RAB11FIP4: variants seen among roughly 807,000 people sequenced by gnomAD.
RAB11FIP4 encodes rab11 family-interacting protein 4.
A neutral mutation model predicts 74.3 loss-of-function variants in RAB11FIP4; 23 were observed. The observed-to-expected ratio is 0.31, with a 90% CI of 0.22 to 0.44. The LOEUF (loss-of-function observed/expected upper bound fraction) is 0.44, where lower values mean the gene tolerates loss of function less well. Among genes scored for constraint, RAB11FIP4 ranks in the 20% least tolerant of loss-of-function variants. The pLI is 1.00. For synonymous variants in RAB11FIP4, 360 were observed against 359.9 expected (o/e 1.00, Z 0.00); for missense variants, 630 against 863.9 (o/e 0.73, Z 3.39).
At chr17:31,487,851 C>T (rs892434748) in intron 3 of RAB11FIP4, 33 of 164,770 alleles carry the variant, frequency 2.0e-4, no homozygotes, top group Admixed American at 1.0e-3. Context: ...GCGGGGCCGG[C>T]CGCGCGGCCA....
chr17:31,459,986 C>T (rs918990777), intron 3 of RAB11FIP4, among the ~76,000 whole-genome samples: 9 of 152,168 alleles, frequency 5.9e-5, no homozygotes, highest in Non-Finnish European at 1.2e-4. Flanking sequence ...GCCTGCCTTG[C>T]GGTCACTCCC....
chr17:31,515,040 C>G (rs1307327136), intron 3 of RAB11FIP4, among the ~76,000 whole-genome samples: 1 of 152,292 alleles, frequency 6.6e-6, no homozygotes, highest in South Asian at 2.1e-4. Context: ...TGGAGGACTT[C>G]TGATGCGCTA....
chr17:31,471,088 A>G (rs2142728334), intron 3 of RAB11FIP4, among the ~76,000 whole-genome samples: 1 of 150,300 alleles, frequency 6.7e-6, no homozygotes, highest in Non-Finnish European at 1.5e-5. Context: ...TTTTTGAGAT[A>G]GGGTTTCACT....
At chr17:31,518,217 G>A (rs928453976) in intron 4 of RAB11FIP4, among the ~76,000 whole-genome samples, 1 of 152,122 alleles carries the variant, frequency 6.6e-6, no homozygotes, top group Non-Finnish European at 1.5e-5. Context: ...TTGTGGCCAG[G>A]CATGGTGGCT....
chr17:31,479,615 G>A lies in RAB11FIP4; in HGVS notation c.337-38036G>A, dbSNP rs1022352451. On this transcript the variant is annotated intron_variant, in intron 3 of 14. Coordinates refer to ENST00000621161, the MANE Select transcript of RAB11FIP4 (RefSeq NM_032932.6). ...TAACACAGCTTGTGATTGAGGCATAGACATCATGAAGCCAAGGAATAATTT... is the reference window on the plus strand; with the variant it reads ...TAACACAGCTTGTGATTGAGGCATAAACATCATGAAGCCAAGGAATAATTT... Among the ~76,000 whole-genome samples, 6 of 152,324 alleles carry A rather than the reference G, an allele frequency of 3.9e-5. No individual in the cohort carries two copies. The Middle Eastern group carries it at 0.01, about 259-fold the overall frequency.
intron 3 of RAB11FIP4, among the ~76,000 whole-genome samples, chr17:31,499,127 G>A (rs2072170557): frequency 6.6e-6 from 1 of 152,204 alleles, no homozygotes; most frequent in South Asian, 2.1e-4. Flanking sequence ...GGGAACCAGA[G>A]ATGCAGTGGC....
intron 7 of RAB11FIP4, 140 bp downstream of exon 7, chr17:31,522,535 C>T (rs2072688494): frequency 1.3e-6 from 1 of 757,528 alleles, no homozygotes; most frequent in African/African-American, 1.7e-5. Context: ...CATCCCAGGG[C>T]AGTGCAGCCA....
At chr17:31,464,296 G>A (rs1021096837) in intron 3 of RAB11FIP4, among the ~76,000 whole-genome samples, 5 of 151,714 alleles carry the variant, frequency 3.3e-5, no homozygotes, top group Admixed American at 1.3e-4. Flanking sequence ...TTCCCATCTC[G>A]TGGGCCCACT....
At chr17:31,510,753 T>C (rs2072437697) in intron 3 of RAB11FIP4, among the ~76,000 whole-genome samples, 1 of 152,170 alleles carries the variant, frequency 6.6e-6, no homozygotes, top group Non-Finnish European at 1.5e-5. Flanking sequence ...CCAGCCGAGC[T>C]GCAGCCCAGT....
At chr17:31,405,145 C>T (rs1466448234) in intron 1 of RAB11FIP4, among the ~76,000 whole-genome samples, 1 of 152,020 alleles carries the variant, frequency 6.6e-6, no homozygotes, top group Non-Finnish European at 1.5e-5. Context: ...AGGCTTCTGT[C>T]CCAGTTCAGG....
chr17:31,410,446 G>A (rs1161080817), intron 1 of RAB11FIP4, among the ~76,000 whole-genome samples: 1 of 152,202 alleles, frequency 6.6e-6, no homozygotes, highest in East Asian at 1.9e-4. Flanking sequence ...GGGTGTGGTG[G>A]CTCACGTCTG....
chr17:31,426,258 G>C (rs1452951194), intron 1 of RAB11FIP4, among the ~76,000 whole-genome samples: 1 of 152,106 alleles, frequency 6.6e-6, no homozygotes, highest in Non-Finnish European at 1.5e-5. Context: ...TGCCACTACA[G>C]GTGGGCAAAA....
intron 3 of RAB11FIP4, among the ~76,000 whole-genome samples, chr17:31,485,673 C>T (rs1374749364): frequency 6.6e-6 from 1 of 152,140 alleles, no homozygotes; most frequent in Non-Finnish European, 1.5e-5. Flanking sequence ...GATGGGAAGG[C>T]AGATAGAGTG....
intron 1 of RAB11FIP4, among the ~76,000 whole-genome samples, chr17:31,403,602 A>G (rs554466539): frequency 8.4e-4 from 127 of 152,090 alleles, no homozygotes; most frequent in African/African-American, 3.0e-3. Context: ...GGTTACAGGC[A>G]TGAGCCACCG....
At chr17:31,396,521 G>T (rs1015660837) in intron 1 of RAB11FIP4, among the ~76,000 whole-genome samples, 2 of 152,182 alleles carry the variant, frequency 1.3e-5, no homozygotes, top group Admixed American at 6.5e-5. Context: ...AGAATTGCTG[G>T]TGCTCTCCTT....
intron 3 of RAB11FIP4, among the ~76,000 whole-genome samples, chr17:31,478,388 C>A (rs1011458831): frequency 3.9e-5 from 6 of 152,198 alleles, no homozygotes; most frequent in African/African-American, 1.4e-4. Context: ...TCTCAGAACA[C>A]TGATCCCTTG....
intron 3 of RAB11FIP4, among the ~76,000 whole-genome samples, chr17:31,460,548 A>C (rs2071624560): frequency 6.6e-6 from 1 of 152,184 alleles, no homozygotes; most frequent in South Asian, 2.1e-4. Flanking sequence ...TGACAGCAAG[A>C]CAGAGTGCTA....
Position 31,525,087 on chromosome 17 carries a change from C to T in RAB11FIP4, c.1134-3C>T, listed in dbSNP as rs757449169. ...AAGAGCTTGCCCATTGCGCTGTCCT[C>T]AGGGTGCATGAGCTGGAGGAGATGG... On this transcript the variant is annotated splice_polypyrimidine_tract_variant and splice_region_variant and intron_variant, in intron 9 of 14. Transcript: ENST00000621161. 1.6e-4 allele frequency: 246 copies of T among 1,550,490 alleles called. 2 individuals are homozygous for T. In the East Asian group the frequency reaches 5.6e-3, roughly 35 times the overall value.
At chr17:31,453,355 CAAAAAAAAA>C (rs747844559) in intron 3 of RAB11FIP4, among the ~76,000 whole-genome samples, 3 of 71,774 alleles carry the variant, frequency 4.2e-5, no homozygotes, top group Non-Finnish European at 7.4e-5. Flanking sequence ...GACCCTACCT[CAAAAAAAAA>C]AAAAAAAAAA....
Sources: gnomAD v4.1 joint callset for allele counts (sites outside exome capture counted in the v4.1 genomes callset) on GRCh38, gnomAD v4.1.1 for gene constraint, MANE v1.5 for transcripts, NCBI Gene and HGNC (gene_info 2026-07-23, HGNC 2026-07-21) for gene names.